Variants in MYO18B observed in about 807,000 individuals in gnomAD.
MYO18B encodes the protein myosin XVIIIB.
A neutral mutation model predicts 273.0 loss-of-function variants in MYO18B; 204 were observed. The observed-to-expected ratio is 0.75, with a 90% CI of 0.67 to 0.84. The LOEUF (loss-of-function observed/expected upper bound fraction) is 0.84, where lower values mean the gene tolerates loss of function less well. Ranked by LOEUF, MYO18B falls within the 40% of genes least tolerant of loss-of-function variation. The pLI is 0.00. For missense variants in MYO18B, 3,212 were observed against 3,287.6 expected, an observed-to-expected ratio of 0.98 and a Z score of 0.56; for synonymous variants, 1,330 against 1,305.7, an observed-to-expected ratio of 1.02 and a Z score of -0.40.
intron 25 of MYO18B, among the ~76,000 whole-genome samples, chr22:25,881,140 G>C (rs953326355): frequency 2.0e-5 from 3 of 152,264 alleles, no homozygotes; most frequent in African/African-American, 7.2e-5. Context: ...GATGGCTCAT[G>C]TGGGGATGTG....
intron 34 of MYO18B, among the ~76,000 whole-genome samples, chr22:25,923,228 A>G (rs1157889200): frequency 6.6e-6 from 1 of 152,220 alleles, no homozygotes; most frequent in Non-Finnish European, 1.5e-5. Context: ...CCATCTTGAA[A>G]ATTCTGCGAC....
chr22:25,980,055 G>C (rs1044766094), intron 39 of MYO18B, among the ~76,000 whole-genome samples: 11 of 152,152 alleles, frequency 7.2e-5, no homozygotes, highest in African/African-American at 2.7e-4. Context: ...CACTTGATAA[G>C]AGAGAGAGGA....
chr22:25,921,815 AGTGTGTGTGTGTGTGTGT>A (rs71191088), intron 34 of MYO18B, among the ~76,000 whole-genome samples: 2 of 130,460 alleles, frequency 1.5e-5, no homozygotes, highest in Non-Finnish European at 1.6e-5. Flanking sequence ...AAATAGCAAT[AGTGTGTGTGTGTGTGTGT>A]GTGTGTGTGT....
chr22:26,009,539 C>T (rs979989754), intron 42 of MYO18B, among the ~76,000 whole-genome samples: 1 of 152,178 alleles, frequency 6.6e-6, no homozygotes, highest in Non-Finnish European at 1.5e-5. Flanking sequence ...TTTACTACAG[C>T]CCAGAGACTG....
At chr22:25,999,130 A>C (rs1006235638) in intron 40 of MYO18B, among the ~76,000 whole-genome samples, 9 of 152,210 alleles carry the variant, frequency 5.9e-5, no homozygotes, top group African/African-American at 2.2e-4. Context: ...GCAGATGAAG[A>C]AACTGAGAAG....
At chr22:26,060,998 CACACACAT>C in the MYO18B span, among the ~76,000 whole-genome samples, 1 of 109,234 alleles carries the variant, frequency 9.2e-6, no homozygotes, top group Middle Eastern at 4.6e-3. Context: ...ACCACATATG[CACACACAT>C]ACACACACAC....
intron 1 of MYO18B, among the ~76,000 whole-genome samples, chr22:25,743,071 C>T (rs890662755): frequency 3.3e-5 from 5 of 152,234 alleles, no homozygotes; most frequent in African/African-American, 1.2e-4. Flanking sequence ...ATGGAGGAGG[C>T]CAGGAGTGGG....
At chr22:26,038,031 T>G in the MYO18B span, among the ~76,000 whole-genome samples, 1 of 152,228 alleles carries the variant, frequency 6.6e-6, no homozygotes, top group Non-Finnish European at 1.5e-5. Context: ...GGCCCCATCA[T>G]TATTTTATAT....
chr22:25,826,653 A>G (rs1325397809), intron 14 of MYO18B, among the ~76,000 whole-genome samples, 154 bp downstream of exon 14: 2 of 152,244 alleles, frequency 1.3e-5, no homozygotes, highest in East Asian at 3.8e-4. Flanking sequence ...TTGGCCACCC[A>G]CTGGCTGTGA....
Position 25,823,532 on chromosome 22 carries a change from A to G in MYO18B, c.2549A>G (p.Glu850Gly). 1 of 1,613,890 alleles carries G rather than the reference A, an allele frequency of 6.2e-7. No homozygotes were observed. The highest frequency in any genetic ancestry group is 1.3e-5 in the African/African-American group (1 of 75,020). ...GGTCGGAAGCAGTTCATGAGGTTTG[A>G]GTGGGCAAACTACGCAGCTGAGGCC... The part of the protein sequence containing the change: ...KVGRKQFMRF[E>G]WANYAAEALG... Residue 850 changes from glutamate (E) to glycine (G), a missense_variant, in exon 13 of 44, where the codon GAG becomes GGG. Transcript: ENST00000335473.
intron 12 of MYO18B, among the ~76,000 whole-genome samples, chr22:25,801,989 A>G (rs1328955852): frequency 6.6e-6 from 1 of 152,154 alleles, no homozygotes; most frequent in Admixed American, 6.5e-5. Flanking sequence ...CAGGCCTACA[A>G]TTCACCTCAA....
chr22:25,995,444 A>T (rs1294395326), intron 40 of MYO18B, among the ~76,000 whole-genome samples: 2 of 152,198 alleles, frequency 1.3e-5, no homozygotes, highest in South Asian at 4.1e-4. Context: ...GAGGGGATGG[A>T]TACCCCATTT....
rs1239630371 is a variant in MYO18B at position 25,891,308 on chromosome 22, A to T, written c.4439A>T (p.Lys1480Met). The T allele has an allele frequency of 3.8e-6, 6 of 1,566,248 alleles. No homozygotes were observed. In the South Asian group the frequency reaches 7.1e-5, roughly 18 times the overall value. ...ACCTTGAGCCCTTTCTTCTAGAGCA[A>T]GCATGAACAAGTCCAGAAAAAACTG... ...AFREVQELKS[K>M]HEQVQKKLGD... Residue 1480 changes from lysine to methionine, a missense_variant, in exon 27 of 44, where the codon AAG becomes ATG. Transcript: ENST00000335473.
At chr22:25,817,290 GTCTCTTTCTC>G (rs896269917) in intron 12 of MYO18B, among the ~76,000 whole-genome samples, 4 of 141,230 alleles carry the variant, frequency 2.8e-5, no homozygotes, top group Admixed American at 1.4e-4. Flanking sequence ...CTCTCTTTCT[GTCTCTTTCTC>G]TCTCTTTCTT....
downstream of MYO18B, among the ~76,000 whole-genome samples, chr22:26,033,467 T>C (rs1224098459): frequency 6.6e-6 from 1 of 152,210 alleles, no homozygotes; most frequent in Non-Finnish European, 1.5e-5. Flanking sequence ...TGAAGCACGT[T>C]TTTATAAAAG....
intron 42 of MYO18B, among the ~76,000 whole-genome samples, chr22:26,008,812 GC>G (rs1934651623): frequency 6.6e-6 from 1 of 152,150 alleles, no homozygotes; most frequent in Non-Finnish European, 1.5e-5. Flanking sequence ...TCTCCTTCTC[GC>G]TCTCCTTCCA....
downstream of MYO18B, among the ~76,000 whole-genome samples, chr22:26,035,691 C>T (rs1936764902): frequency 1.3e-5 from 2 of 152,200 alleles, no homozygotes; most frequent in Admixed American, 6.5e-5. Flanking sequence ...AGAAGAAAAG[C>T]TGTATTGGAG....
intron 33 of MYO18B, among the ~76,000 whole-genome samples, chr22:25,914,136 C>T (rs555233773): frequency 6.6e-6 from 1 of 152,172 alleles, no homozygotes; most frequent in East Asian, 1.9e-4. Flanking sequence ...CATTGTGGCT[C>T]ATTGGGTTTT....
At chr22:25,984,244 C>T (rs922101021) in intron 39 of MYO18B, among the ~76,000 whole-genome samples, 1 of 152,076 alleles carries the variant, frequency 6.6e-6, no homozygotes, top group Non-Finnish European at 1.5e-5. Context: ...TTGGGATTTG[C>T]GTAGCTGCTT....
Sources: gnomAD v4.1 joint callset for allele counts (sites outside exome capture counted in the v4.1 genomes callset) on GRCh38, gnomAD v4.1.1 for gene constraint, MANE v1.5 for transcripts, NCBI Gene and HGNC (gene_info 2026-07-23, HGNC 2026-07-21) for gene names.